The following ABI3BP variants were observed in gnomAD, a reference collection of about 807,000 sequenced individuals.
ABI3BP encodes ABI family member 3 binding protein.
In ABI3BP, 216 loss-of-function variants were observed where a neutral mutation model predicts 268.6. The ratio of observed to expected loss-of-function variants is 0.80; its 90% CI spans 0.72 to 0.90. ABI3BP has a LOEUF of 0.90. Ranked by LOEUF, ABI3BP falls within the 40% of genes least tolerant of loss-of-function variation. ABI3BP has a pLI of 0.00. For missense variants in ABI3BP, 2,090 were observed against 2,182.4 expected, an observed-to-expected ratio of 0.96 and a Z score of 0.84; for synonymous variants, 730 against 730.0, an observed-to-expected ratio of 1.00 and a Z score of 0.00.
At chr3:100,892,738 C>T (rs993211422) in intron 4 of ABI3BP, among the ~76,000 whole-genome samples, 2 of 152,208 alleles carry the variant, frequency 1.3e-5, no homozygotes, top group African/African-American at 4.8e-5. Context: ...AGGTTCCCTA[C>T]ATGACTTGCA....
intron 2 of ABI3BP, 95 bp downstream of exon 2, chr3:100,926,207 A>T (rs1316103008): frequency 7.5e-7 from 1 of 1,327,154 alleles, no homozygotes; most frequent in Non-Finnish European, 1.0e-6. Flanking sequence ...AAGGATGTAG[A>T]AAAAATAGTT....
chr3:100,921,229 T>C (rs577362064), intron 2 of ABI3BP, among the ~76,000 whole-genome samples: 15 of 152,312 alleles, frequency 9.8e-5, no homozygotes, highest in African/African-American at 3.1e-4. Flanking sequence ...GAATTTGTCA[T>C]AGTGAACACA....
intron 20 of ABI3BP, among the ~76,000 whole-genome samples, chr3:100,845,755 T>C (rs1380844664): frequency 6.6e-6 from 1 of 152,042 alleles, no homozygotes; most frequent in Non-Finnish European, 1.5e-5. Flanking sequence ...AACTCCAAGA[T>C]GTGGTCATTC....
intron 2 of ABI3BP, chr3:100,911,921 G>A: frequency 7.6e-7 from 1 of 1,308,576 alleles, no homozygotes; most frequent in East Asian, 2.3e-5. Flanking sequence ...TTTTGACATT[G>A]GAGAATATTT....
At chr3:100,835,180 TTG>T (rs1250555581) in intron 28 of ABI3BP, among the ~76,000 whole-genome samples, 3 of 152,150 alleles carry the variant, frequency 2.0e-5, no homozygotes, top group Admixed American at 1.3e-4. Flanking sequence ...TAAACACATT[TTG>T]TTTTCTAAAA....
chr3:100,828,402 T>C lies in ABI3BP; in HGVS notation c.2593A>G (p.Thr865Ala), dbSNP rs1470394689. The change falls in exon 34 of 68, where the codon ACA becomes GCA. Residue 865 changes from threonine to alanine, a missense_variant. Coordinates refer to ENST00000471714, the MANE Select transcript of ABI3BP (RefSeq NM_001375547.2). ...CAAAAAGTGGCATTACCGAATGTTG[T>C]CCCTGGAGCCTCTTTTATAGGAGAA... ...PVSPIKEAPG[T>A]TFVPVTDLEP... The C allele has an allele frequency of 1.3e-6, 2 of 1,535,028 alleles. No individual in the cohort carries two copies. Among genetic ancestry groups the C allele is most frequent in the Non-Finnish European group, 1.7e-6 (2 of 1,146,212 alleles).
chr3:100,844,320 A>C (rs1220588243), intron 20 of ABI3BP: 4 of 985,352 alleles, frequency 4.1e-6, no homozygotes, highest in Non-Finnish European at 4.8e-6. Flanking sequence ...TAAACCATGA[A>C]GGAAACAATT....
chr3:100,979,877 T>C (rs925424803), intron 1 of ABI3BP, among the ~76,000 whole-genome samples: 2 of 152,238 alleles, frequency 1.3e-5, no homozygotes, highest in Non-Finnish European at 2.9e-5. Flanking sequence ...AAGGCACTGA[T>C]ATGTTTTTGA....
chr3:100,924,964 G>C (rs568677503), intron 2 of ABI3BP, among the ~76,000 whole-genome samples: 1 of 152,174 alleles, frequency 6.6e-6, no homozygotes, highest in Admixed American at 6.5e-5. Flanking sequence ...CACGGCTTCC[G>C]GTCACTTTTT....
At chr3:100,758,434 T>G (rs550716111) in intron 63 of ABI3BP, among the ~76,000 whole-genome samples, 2 of 152,190 alleles carry the variant, frequency 1.3e-5, no homozygotes, top group Non-Finnish European at 2.9e-5. Flanking sequence ...CTCTAGATAA[T>G]TTTTTTTAAA....
chr3:100,966,177 T>G (rs142443178), intron 1 of ABI3BP, among the ~76,000 whole-genome samples: 2 of 152,238 alleles, frequency 1.3e-5, no homozygotes, highest in Non-Finnish European at 2.9e-5. Context: ...ACAGCTGTTA[T>G]GTTGAAAATA....
chr3:100,934,671 C>T (rs2065223954), intron 1 of ABI3BP, among the ~76,000 whole-genome samples: 2 of 152,240 alleles, frequency 1.3e-5, no homozygotes, highest in South Asian at 4.1e-4. Flanking sequence ...TAATGATCAC[C>T]ATTCTAACTG....
intron 27 of ABI3BP, 54 bp downstream of exon 27, chr3:100,837,070 T>G: frequency 2.8e-6 from 4 of 1,435,690 alleles, no homozygotes; most frequent in African/African-American, 1.4e-5. Context: ...AAAAAAGAGA[T>G]GAGAGGCGCA....
chr3:100,816,049 A>G, intron 43 of ABI3BP, 78 bp from the exon 44 acceptor site: 2 of 1,102,236 alleles, frequency 1.8e-6, no homozygotes, highest in Non-Finnish European at 2.5e-6. Context: ...ATTTTAAAAC[A>G]TGAGTTTCAA....
chr3:100,778,430 T>C, intron 58 of ABI3BP, 54 bp from the exon 59 acceptor site: 1 of 1,497,472 alleles, frequency 6.7e-7, no homozygotes, highest in Non-Finnish European at 9.1e-7. Context: ...TAAAGATTCA[T>C]TATCGAAAAA....
At chr3:100,963,574 G>A (rs914155865) in intron 1 of ABI3BP, among the ~76,000 whole-genome samples, 1 of 152,128 alleles carries the variant, frequency 6.6e-6, no homozygotes, top group Non-Finnish European at 1.5e-5. Context: ...CTCACGCTTA[G>A]GACATTTCAA....
At chr3:100,764,765 C>A (rs925373559) in intron 63 of ABI3BP, among the ~76,000 whole-genome samples, 1 of 152,212 alleles carries the variant, frequency 6.6e-6, no homozygotes, top group African/African-American at 2.4e-5. Flanking sequence ...CTTTCTCCCC[C>A]TCTCGATCTA....
intron 63 of ABI3BP, among the ~76,000 whole-genome samples, chr3:100,757,154 T>TG (rs1336526984): frequency 1.3e-5 from 2 of 152,004 alleles, no homozygotes; most frequent in African/African-American, 4.8e-5. Context: ...AAAAGAAAGT[T>TG]GGAGAATTAT....
chr3:100,933,004 A>T (rs561698055), intron 1 of ABI3BP, among the ~76,000 whole-genome samples: 1 of 152,164 alleles, frequency 6.6e-6, no homozygotes, highest in African/African-American at 2.4e-5. Context: ...GAATTCTTTC[A>T]TATCTAATCT....
Sources: allele counts gnomAD v4.1 joint callset (sites outside exome capture counted in the v4.1 genomes callset), GRCh38; gene constraint gnomAD v4.1.1; transcripts MANE v1.5; gene names NCBI Gene and HGNC (gene_info 2026-07-23, HGNC 2026-07-21).